The following DPT variants were observed in gnomAD, a reference collection of about 807,000 sequenced individuals.
DPT encodes the protein tyrosine-rich acidic matrix protein.
In DPT, 21 loss-of-function variants were observed where a neutral mutation model predicts 31.2. That is an observed-to-expected ratio of 0.67 (90% confidence interval 0.48 to 0.97). DPT has a LOEUF of 0.97. Among genes scored for constraint, DPT ranks in the 50% least tolerant of loss-of-function variants. The pLI, the probability that DPT is intolerant of heterozygous loss-of-function variation, is 0.00. For missense variants in DPT, 262 were observed against 258.8 expected (o/e 1.01, Z -0.08); for synonymous variants, 91 against 86.9 (o/e 1.05, Z -0.26).
At chr1:168,721,085 G>A (rs940758702) in intron 1 of DPT, among the ~76,000 whole-genome samples, 1 of 152,198 alleles carries the variant, frequency 6.6e-6, no homozygotes, top group African/African-American at 2.4e-5. Flanking sequence ...ACAGATACTG[G>A]AAATAAGTAG....
chr1:168,698,934 C>A (rs1649525266), intron 3 of DPT, among the ~76,000 whole-genome samples: 1 of 152,110 alleles, frequency 6.6e-6, no homozygotes, highest in Non-Finnish European at 1.5e-5. Flanking sequence ...ATGACAGTAG[C>A]AAAGTTGCAT....
Position 168,729,068 on chromosome 1 carries a change from T to C in DPT, c.107A>G (p.Asp36Gly). 1 of 1,614,188 alleles carries C rather than the reference T, an allele frequency of 6.2e-7. No individual in the cohort carries two copies. The highest frequency in any genetic ancestry group is 8.5e-7 in the Non-Finnish European group (1 of 1,180,032). The change falls in exon 1 of 4, where the codon GAT becomes GGT. Residue 36 changes from aspartate to glycine, a missense_variant. Coordinates refer to ENST00000367817, the MANE Select transcript of DPT (RefSeq NM_001937.5). ...TTGCCGGTTCAAATTCACCCACCCATCATCGCTGTAGTCATGATACTGCTG... is the reference window on the plus strand; with the variant it reads ...TTGCCGGTTCAAATTCACCCACCCACCATCGCTGTAGTCATGATACTGCTG... ...PYQQYHDYSD[D>G]GWVNLNRQGF...
intron 1 of DPT, among the ~76,000 whole-genome samples, chr1:168,721,614 C>A (rs534925408): frequency 6.6e-6 from 1 of 152,158 alleles, no homozygotes; most frequent in Admixed American, 6.5e-5. Context: ...CAATACCAAG[C>A]CTCTCCTCCT....
intron 1 of DPT, among the ~76,000 whole-genome samples, chr1:168,722,242 C>T (rs776442628): frequency 6.6e-5 from 10 of 152,026 alleles, no homozygotes; most frequent in South Asian, 2.1e-4. Context: ...ATGCTATCTC[C>T]GTGTCTATTA....
Position 168,695,790 on chromosome 1 carries a change from A to G in DPT, c.*759T>C, listed in dbSNP as rs1649453682. 1 of 163,812 alleles carries G rather than the reference A, an allele frequency of 6.1e-6. No individual in the cohort carries two copies. Among genetic ancestry groups the G allele is most frequent in the Non-Finnish European group, 1.3e-5 (1 of 75,752 alleles). 10.1% of individuals were successfully genotyped at this position (163,812 alleles called of 1,614,324 possible). A position where few individuals can be genotyped will look rare whatever the true frequency, so the allele number is the denominator to read the frequency against. The stretch of plus-strand genomic sequence containing the variant: ...GTCACTCTCATCCCCACAAGTTCCC[A>G]ATCTGAATCCCATTCTCTGACCATT... On this transcript the variant is annotated 3_prime_UTR_variant, in exon 4 of 4. Transcript: ENST00000367817.
intron 2 of DPT, among the ~76,000 whole-genome samples, chr1:168,709,117 G>T (rs553833067): frequency 6.6e-6 from 1 of 152,140 alleles, no homozygotes; most frequent in Admixed American, 6.5e-5. Context: ...ACAGTCAAAA[G>T]ATATTATCCA....
chr1:168,724,915 A>G, intron 1 of DPT, among the ~76,000 whole-genome samples: 1 of 152,122 alleles, frequency 6.6e-6, no homozygotes, highest in East Asian at 1.9e-4. Context: ...CTGCCACTCC[A>G]AAACTTCTCC....
At chr1:168,725,663 C>T (rs985111490) in intron 1 of DPT, among the ~76,000 whole-genome samples, 10 of 152,070 alleles carry the variant, frequency 6.6e-5, no homozygotes, top group South Asian at 4.2e-4. Context: ...CTTCAGAAGC[C>T]GGCACTTGAA....
chr1:168,722,926 T>C (rs1348704016), intron 1 of DPT, among the ~76,000 whole-genome samples: 8 of 152,162 alleles, frequency 5.3e-5, no homozygotes, highest in African/African-American at 1.9e-4. Flanking sequence ...TTGAGAAGAT[T>C]GTGTCCTGCA....
At chr1:168,698,061 C>T (rs1230148705) in intron 3 of DPT, among the ~76,000 whole-genome samples, 1 of 152,210 alleles carries the variant, frequency 6.6e-6, no homozygotes, top group Non-Finnish European at 1.5e-5. Context: ...TTTCAATCTG[C>T]AAGCCCTCTT....
At chr1:168,718,214 G>A (rs1052589657) in intron 1 of DPT, among the ~76,000 whole-genome samples, 1 of 152,208 alleles carries the variant, frequency 6.6e-6, no homozygotes, top group South Asian at 2.1e-4. Context: ...AGCTCCCATG[G>A]GGGTAAGTTC....
At chr1:168,700,299 C>T (rs1316604074) in intron 3 of DPT, among the ~76,000 whole-genome samples, 1 of 152,136 alleles carries the variant, frequency 6.6e-6, no homozygotes, top group African/African-American at 2.4e-5. Flanking sequence ...TCTGAAGCAG[C>T]GAGCAACCCC....
intron 1 of DPT, among the ~76,000 whole-genome samples, chr1:168,718,310 C>T (rs1650031320): frequency 6.6e-6 from 1 of 152,234 alleles, no homozygotes; most frequent in African/African-American, 2.4e-5. Context: ...CCACAAATTC[C>T]CCGCCAGCTG....
intron 1 of DPT, among the ~76,000 whole-genome samples, 188 bp downstream of exon 1, chr1:168,728,682 G>C (rs187931593): frequency 1.1e-4 from 16 of 152,256 alleles, no homozygotes; most frequent in Admixed American, 7.8e-4. Context: ...CCCATCCCAG[G>C]TTTTTGTCCT....
Position 168,725,307 on chromosome 1 carries a change from TCCTC to T in DPT, c.305+3559_305+3562del, listed in dbSNP as rs1179952243. Among the ~76,000 whole-genome samples the T allele has an allele frequency of 6.4e-4, 94 of 146,196 alleles. No homozygotes were observed. In the Middle Eastern group the frequency reaches 0.011, roughly 16 times the overall value. ...TTCCTTCCTTCCTTCAATCCTTCCTTCCTCCCTCCCTCCCTTCCTTCTCTCTCTC... is the reference window on the plus strand; with the variant it reads ...TTCCTTCCTTCCTTCAATCCTTCCTTCCTCCCTCCCTTCCTTCTCTCTCTC... On this transcript the variant is annotated intron_variant, in intron 1 of 3. Coordinates refer to ENST00000367817, the MANE Select transcript of DPT (RefSeq NM_001937.5).
intron 3 of DPT, among the ~76,000 whole-genome samples, chr1:168,698,164 C>T (rs1649506182): frequency 6.6e-6 from 1 of 152,150 alleles, no homozygotes; most frequent in Non-Finnish European, 1.5e-5. Flanking sequence ...TCCTAGGAAG[C>T]AGGGCTCACT....
chr1:168,703,689 T>C (rs1434467053), intron 2 of DPT, among the ~76,000 whole-genome samples: 1 of 152,202 alleles, frequency 6.6e-6, no homozygotes, highest in East Asian at 1.9e-4. Context: ...TAGACTGTCC[T>C]AGAGAAACCT....
intron 2 of DPT, among the ~76,000 whole-genome samples, chr1:168,704,812 T>C (rs1022331070): frequency 6.6e-6 from 1 of 152,202 alleles, no homozygotes; most frequent in Non-Finnish European, 1.5e-5. Flanking sequence ...CTGAGGGAAA[T>C]CAGTTCGAAC....
chr1:168,698,261 C>G (rs1320303749), intron 3 of DPT, among the ~76,000 whole-genome samples: 2 of 152,118 alleles, frequency 1.3e-5, no homozygotes, highest in East Asian at 3.9e-4. Flanking sequence ...TAGAGTCCCT[C>G]AACACAAATC....
Sources: allele counts gnomAD v4.1 joint callset (sites outside exome capture counted in the v4.1 genomes callset), GRCh38; gene constraint gnomAD v4.1.1; transcripts MANE v1.5; gene names NCBI Gene and HGNC (gene_info 2026-07-23, HGNC 2026-07-21).